Variants in GRIK4 observed in about 807,000 individuals in gnomAD.
GRIK4 encodes glutamate ionotropic receptor kainate type subunit 4, also known as glutamate receptor ionotropic, kainate 4.
In GRIK4, 40 loss-of-function variants were observed where a neutral mutation model predicts 104.9. The observed-to-expected ratio is 0.38, with a 90% CI of 0.30 to 0.50. The LOEUF is 0.50. Ranked by LOEUF, GRIK4 falls within the 20% of genes least tolerant of loss-of-function variation. GRIK4 has a pLI of 0.93. For missense variants in GRIK4, 1,047 were observed against 1,308.1 expected (o/e 0.80, Z 3.08); for synonymous variants, 485 against 524.9 (o/e 0.92, Z 1.04).
chr11:120,727,941 C>A lies in GRIK4; in HGVS notation c.82+67541C>A, dbSNP rs536652131. On this transcript the variant is annotated intron_variant, in intron 3 of 20. Coordinates refer to ENST00000527524, the MANE Select transcript of GRIK4 (RefSeq NM_014619.5). ...AAAAATGACAAATATTGAAGATAGG[C>A]AATGAAGATCCAATATGTGAACAAT... Among the ~76,000 whole-genome samples the A allele has an allele frequency of 3.3e-5, 5 of 152,020 alleles. No individual in the cohort carries two copies. The South Asian group carries it at 1.0e-3, about 32-fold the overall frequency.
intron 1 of GRIK4, among the ~76,000 whole-genome samples, chr11:120,558,422 C>T (rs930773918): frequency 4.6e-5 from 7 of 152,020 alleles, no homozygotes; most frequent in African/African-American, 1.2e-4. Flanking sequence ...CCTGTCTCTA[C>T]GAAAAATTCA....
In GRIK4 at chr11:120,975,449, A is replaced by C. The variant is rs551476927; in HGVS notation, c.2396-6657A>C. On this transcript the variant is annotated intron_variant, in intron 19 of 20. Coordinates refer to ENST00000527524, the MANE Select transcript of GRIK4 (RefSeq NM_014619.5). Reference sequence around the variant, plus strand: ...ATTAGATCTATTTTTGAGAGAGAGAAACTCCAGAGGGATTTCCAGAAACCA... The same window carrying C: ...ATTAGATCTATTTTTGAGAGAGAGACACTCCAGAGGGATTTCCAGAAACCA... 9.2e-5 allele frequency among the ~76,000 whole-genome samples: 14 copies of C among 152,286 alleles called. No homozygotes were observed. The South Asian group carries it at 2.9e-3, about 32-fold the overall frequency.
chr11:120,678,397 T>A (rs1950135194), intron 3 of GRIK4, among the ~76,000 whole-genome samples: 1 of 152,158 alleles, frequency 6.6e-6, no homozygotes, highest in Non-Finnish European at 1.5e-5. Context: ...TTATAGTCGC[T>A]TATTTATTAG....
At chr11:120,937,568 G>A (rs186610028) in intron 13 of GRIK4, among the ~76,000 whole-genome samples, 11 of 152,190 alleles carry the variant, frequency 7.2e-5, no homozygotes, top group South Asian at 6.2e-4. Flanking sequence ...TTCCCCCAGC[G>A]TCCTCTTGAC....
At position 120,874,230 on chromosome 11, in the gene GRIK4, C is replaced by T; in HGVS notation, c.1059+12C>T. On this transcript the variant is annotated intron_variant, in intron 10 of 20. Transcript: ENST00000527524. The stretch of plus-strand genomic sequence containing the variant: ...ACTACCTGCGCATGGTGAGGAGCGG[C>T]TGAGGCCCTGCAGGGCTGTGCCCAG... 6 of 1,605,616 alleles carry T rather than the reference C, an allele frequency of 3.7e-6. No individual in the cohort carries two copies. Among genetic ancestry groups the T allele is most frequent in the Non-Finnish European group, 5.1e-6 (6 of 1,176,708 alleles).
At chr11:120,605,483 C>T (rs1045066269) in intron 1 of GRIK4, among the ~76,000 whole-genome samples, 4 of 152,216 alleles carry the variant, frequency 2.6e-5, no homozygotes, top group African/African-American at 9.6e-5. Context: ...CATCAAGAAG[C>T]AGTGTGACAG....
At chr11:120,707,093 A>G (rs1345552023) in intron 3 of GRIK4, among the ~76,000 whole-genome samples, 2 of 152,184 alleles carry the variant, frequency 1.3e-5, no homozygotes, top group Non-Finnish European at 2.9e-5. Context: ...GGCTTGAATG[A>G]GCTGCCAGGA....
chr11:120,686,619 T>C lies in GRIK4; in HGVS notation c.82+26219T>C, dbSNP rs78799399. Reference sequence around the variant, plus strand: ...GGCTTGCATGTTACTCTCCATTAAATATGCTAACAGAGGGAAGCAGTGATG... The same window carrying C: ...GGCTTGCATGTTACTCTCCATTAAACATGCTAACAGAGGGAAGCAGTGATG... On this transcript the variant is annotated intron_variant, in intron 3 of 20. Transcript: ENST00000527524. Among the ~76,000 whole-genome samples the C allele has an allele frequency of 7.8e-3, 1,185 of 152,336 alleles. 58 individuals carry two copies. The East Asian group carries it at 0.13, about 17-fold the overall frequency.
At chr11:120,763,913 A>T (rs1017434185) in intron 3 of GRIK4, among the ~76,000 whole-genome samples, 5 of 152,188 alleles carry the variant, frequency 3.3e-5, no homozygotes, top group African/African-American at 1.2e-4. Context: ...AGAAGAATGT[A>T]TATTCTGTTG....
In GRIK4 at chr11:120,686,191, C is replaced by A. The variant is rs1405392458; in HGVS notation, c.82+25791C>A. Reference sequence around the variant, plus strand: ...AAAAAAGCATGATACATCCATCAATCTGAACCCAATTCTTCATACCTATCC... The same window carrying A: ...AAAAAAGCATGATACATCCATCAATATGAACCCAATTCTTCATACCTATCC... On this transcript the variant is annotated intron_variant, in intron 3 of 20. Coordinates refer to ENST00000527524, the MANE Select transcript of GRIK4 (RefSeq NM_014619.5). Among the ~76,000 whole-genome samples, 3 of 152,152 alleles carry A rather than the reference C, an allele frequency of 2.0e-5. No individual in the cohort carries two copies. The South Asian group carries it at 6.2e-4, about 32-fold the overall frequency.
At position 120,684,780 on chromosome 11, in the gene GRIK4, A is replaced by G. The variant is rs188034598; in HGVS notation, c.82+24380A>G. On this transcript the variant is annotated intron_variant, in intron 3 of 20. Transcript: ENST00000527524. ...GGCTGGAGTGCAGTGGCGCGATCTCAGCTCACTGCAAGCTCCGCCTCCCGG... is the reference window on the plus strand; with the variant it reads ...GGCTGGAGTGCAGTGGCGCGATCTCGGCTCACTGCAAGCTCCGCCTCCCGG... Among the ~76,000 whole-genome samples the G allele has an allele frequency of 2.6e-4, 39 of 151,766 alleles. 1 individual carries two copies. The East Asian group carries it at 7.6e-3, about 30-fold the overall frequency.
At chr11:120,548,584 A>G (rs1220770441) in intron 1 of GRIK4, among the ~76,000 whole-genome samples, 2 of 151,486 alleles carry the variant, frequency 1.3e-5, no homozygotes, top group East Asian at 3.9e-4. Flanking sequence ...TCTTCTAAGC[A>G]CTGGGTTTTA....
chr11:120,526,552 G>A (rs1000420303), intron 1 of GRIK4, among the ~76,000 whole-genome samples: 4 of 152,200 alleles, frequency 2.6e-5, no homozygotes, highest in Non-Finnish European at 5.9e-5. Context: ...TTGTTTTTAG[G>A]CCGGGCACAG....
chr11:120,972,105 A>G (rs181065489), intron 19 of GRIK4, among the ~76,000 whole-genome samples: 2 of 152,338 alleles, frequency 1.3e-5, no homozygotes, highest in Non-Finnish European at 2.9e-5. Context: ...ATTTAATGTA[A>G]GAATTTTTTT....
At chr11:120,758,526 G>A (rs1039006208) in intron 3 of GRIK4, among the ~76,000 whole-genome samples, 5 of 152,092 alleles carry the variant, frequency 3.3e-5, no homozygotes, top group African/African-American at 7.2e-5. Context: ...CCCACCTCCC[G>A]TGGCACCATT....
At chr11:120,685,522 C>T (rs888205594) in intron 3 of GRIK4, among the ~76,000 whole-genome samples, 1 of 152,158 alleles carries the variant, frequency 6.6e-6, no homozygotes, top group Non-Finnish European at 1.5e-5. Context: ...CAGATGATGC[C>T]ATCAGACAAG....
chr11:120,537,736 G>T (rs1217815058), intron 1 of GRIK4, among the ~76,000 whole-genome samples: 1 of 152,168 alleles, frequency 6.6e-6, no homozygotes, highest in Non-Finnish European at 1.5e-5. Flanking sequence ...TACAGCTTCA[G>T]TCTTGGCCCA....
At chr11:120,517,713 C>T (rs184207906) in intron 1 of GRIK4, among the ~76,000 whole-genome samples, 1 of 152,130 alleles carries the variant, frequency 6.6e-6, no homozygotes. Context: ...AGAGTAAACT[C>T]TACTTCACGG....
At chr11:120,874,445 G>A (rs1954714428) in intron 10 of GRIK4, among the ~76,000 whole-genome samples, 1 of 152,184 alleles carries the variant, frequency 6.6e-6, no homozygotes. Context: ...TGTTCAGAAG[G>A]CAACAGCCCT....
Sources: gnomAD v4.1 joint callset for allele counts (sites outside exome capture counted in the v4.1 genomes callset) on GRCh38, gnomAD v4.1.1 for gene constraint, MANE v1.5 for transcripts, NCBI Gene and HGNC (gene_info 2026-07-23, HGNC 2026-07-21) for gene names.